Variants in VWC2 observed in about 807,000 individuals in gnomAD.
VWC2 encodes von Willebrand factor C domain containing 2, also known as brorin.
In VWC2, 14 loss-of-function variants were observed where a neutral mutation model predicts 29.8. That is an observed-to-expected ratio of 0.47 (90% CI 0.31 to 0.74). The LOEUF (loss-of-function observed/expected upper bound fraction) is 0.74, where lower values mean the gene tolerates loss of function less well. VWC2 is among the 30% of genes least tolerant of loss of function. The probability of loss-of-function intolerance (pLI) is 0.05; values close to 1 mark genes in which losing one functional copy is unlikely to be tolerated. For synonymous variants in VWC2, 213 were observed against 199.0 expected (o/e 1.07, Z -0.59); for missense variants, 457 against 459.8 (o/e 0.99, Z 0.05).
chr7:49,887,959 T>A (rs1791970710), intron 3 of VWC2, among the ~76,000 whole-genome samples: 1 of 152,200 alleles, frequency 6.6e-6, no homozygotes, highest in Admixed American at 6.5e-5. Flanking sequence ...CATTTGTGTA[T>A]CTGTAGCCTG....
At chr7:49,895,798 T>C (rs1324036477) in intron 3 of VWC2, among the ~76,000 whole-genome samples, 2 of 152,158 alleles carry the variant, frequency 1.3e-5, no homozygotes, top group Non-Finnish European at 2.9e-5. Flanking sequence ...GAAAATTAAG[T>C]ATAATCAATG....
At chr7:49,781,265 G>A (rs1029618236) in intron 2 of VWC2, among the ~76,000 whole-genome samples, 1 of 151,822 alleles carries the variant, frequency 6.6e-6, no homozygotes, top group African/African-American at 2.4e-5. Context: ...TTTTAAAGAG[G>A]GAGTCATATG....
Position 49,788,753 on chromosome 7 carries a change from G to A in VWC2, c.696+12622G>A, listed in dbSNP as rs570780547. ...GTGTGTGGATGTGTGTGTGGATGTG[G>A]GTGTGGGGGTGTGAGAGAGGGTGTG... On this transcript the variant is annotated intron_variant, in intron 2 of 3. Coordinates refer to ENST00000340652, the MANE Select transcript of VWC2 (RefSeq NM_198570.5). Among the ~76,000 whole-genome samples the A allele has an allele frequency of 5.6e-5, 8 of 143,010 alleles. No homozygotes were observed. In the South Asian group the frequency reaches 1.8e-3, roughly 32 times the overall value. 93.8% of individuals were successfully genotyped at this position (143,010 alleles called of 152,430 possible). A position where few individuals can be genotyped will look rare whatever the true frequency, so the allele number is the denominator to read the frequency against.
intron 3 of VWC2, among the ~76,000 whole-genome samples, chr7:49,889,826 T>A (rs1792055572): frequency 6.6e-6 from 1 of 152,158 alleles, no homozygotes; most frequent in African/African-American, 2.4e-5. Context: ...CGATAACAAA[T>A]AGGTGCCCCA....
chr7:49,864,271 G>A (rs1326789372), intron 3 of VWC2, among the ~76,000 whole-genome samples: 1 of 152,148 alleles, frequency 6.6e-6, no homozygotes, highest in Admixed American at 6.6e-5. Flanking sequence ...CAAAGAAGGA[G>A]GGAGGAGAAG....
Position 49,775,529 on chromosome 7 carries a change from C to G in VWC2, c.94C>G (p.Pro32Ala). ...LMVALCSPSIPLEKLAQAPEQ... is the reference protein window; with the variant it reads ...LMVALCSPSIALEKLAQAPEQ... Reference sequence around the variant, plus strand: ...GGTGGCTCTGTGCAGTCCGAGCATCCCGCTGGAGAAGCTGGCCCAGGCACC... The same window carrying G: ...GGTGGCTCTGTGCAGTCCGAGCATCGCGCTGGAGAAGCTGGCCCAGGCACC... The change falls in exon 2 of 4, where the codon CCG becomes GCG. Residue 32 changes from proline (P) to alanine (A), a missense_variant. By Grantham distance (27) the Pro-to-Ala change is conservative. This residue lies in a region of VWC2 where 272 missense variants were observed against 202.7 expected (regional missense o/e 1.34). Coordinates refer to ENST00000340652, the MANE Select transcript of VWC2 (RefSeq NM_198570.5). The G allele has an allele frequency of 6.3e-7, 1 of 1,575,320 alleles. No individual in the cohort carries two copies. Among genetic ancestry groups the G allele is most frequent in the Non-Finnish European group, 8.6e-7 (1 of 1,164,866 alleles).
chr7:49,879,759 C>A (rs562952008), intron 3 of VWC2, among the ~76,000 whole-genome samples: 35 of 152,004 alleles, frequency 2.3e-4, no homozygotes, highest in African/African-American at 8.2e-4. Flanking sequence ...TTTAAATAGG[C>A]CCTTTGCTAT....
At chr7:49,834,051 C>T (rs1789600544) in intron 3 of VWC2, among the ~76,000 whole-genome samples, 1 of 152,166 alleles carries the variant, frequency 6.6e-6, no homozygotes, top group Non-Finnish European at 1.5e-5. Context: ...GATTTCATAC[C>T]ATGGGAAGCG....
rs1329995263 is a variant in VWC2 at position 49,920,600 on chromosome 7, G to A, written c.*8415G>A. 1 of 152,116 alleles carries A rather than the reference G, an allele frequency of 6.6e-6. No individual in the cohort carries two copies. The highest frequency in any genetic ancestry group is 1.5e-5 in the Non-Finnish European group (1 of 68,026). 9.4% of individuals were successfully genotyped at this position (152,116 alleles called of 1,614,324 possible). The stretch of plus-strand genomic sequence containing the variant: ...ACAGAGAGAGACTCTGCTTGGCCGA[G>A]TTTGCTATTCTCATTTGTCTATGTC... On this transcript the variant is annotated 3_prime_UTR_variant, in exon 4 of 4. Coordinates refer to ENST00000340652, the MANE Select transcript of VWC2 (RefSeq NM_198570.5).
At chr7:49,871,269 C>T (rs1791137414) in intron 3 of VWC2, among the ~76,000 whole-genome samples, 1 of 152,114 alleles carries the variant, frequency 6.6e-6, no homozygotes, top group African/African-American at 2.4e-5. Context: ...TTGCCTAAAA[C>T]TGAAATTTCA....
chr7:49,784,330 A>G (rs989877078), intron 2 of VWC2, among the ~76,000 whole-genome samples: 1 of 152,188 alleles, frequency 6.6e-6, no homozygotes, highest in African/African-American at 2.4e-5. Flanking sequence ...TTCACATTCT[A>G]TATTCATTTT....
At chr7:49,781,810 G>T (rs1321686718) in intron 2 of VWC2, among the ~76,000 whole-genome samples, 1 of 152,164 alleles carries the variant, frequency 6.6e-6, no homozygotes, top group Non-Finnish European at 1.5e-5. Flanking sequence ...ATTTGACTTG[G>T]CCATCTGATG....
At chr7:49,808,062 G>A (rs914157606) in intron 3 of VWC2, among the ~76,000 whole-genome samples, 2 of 151,748 alleles carry the variant, frequency 1.3e-5, no homozygotes, top group African/African-American at 2.4e-5. Context: ...GTAACATTGC[G>A]TTTCCATGAC....
intron 3 of VWC2, among the ~76,000 whole-genome samples, chr7:49,869,588 C>A (rs1351840315): frequency 6.6e-6 from 1 of 152,052 alleles, no homozygotes; most frequent in East Asian, 1.9e-4. Context: ...CTTATTTTAA[C>A]CTTTTGGCTA....
chr7:49,869,511 A>G (rs940606607), intron 3 of VWC2, among the ~76,000 whole-genome samples: 6 of 152,352 alleles, frequency 3.9e-5, no homozygotes, highest in Middle Eastern at 3.4e-3. Context: ...TGGTTGCTGT[A>G]TCATGATATT....
chr7:49,786,005 C>G (rs1473811711), intron 2 of VWC2, among the ~76,000 whole-genome samples: 2 of 152,090 alleles, frequency 1.3e-5, no homozygotes, highest in Admixed American at 6.5e-5. Flanking sequence ...TTGCCTTCCC[C>G]CAGAAGACTT....
intron 3 of VWC2, among the ~76,000 whole-genome samples, chr7:49,826,035 TAGAA>T (rs1789383088): frequency 6.6e-6 from 1 of 152,078 alleles, no homozygotes; most frequent in African/African-American, 2.4e-5. Flanking sequence ...GTGACTCCAG[TAGAA>T]AGAAAGGGTT....
In VWC2 at chr7:49,918,550, C is replaced by G. The variant is rs529601793; in HGVS notation, c.*6365C>G. 2.0e-5 allele frequency: 3 copies of G among 152,220 alleles called. No homozygotes were observed. The highest frequency in any genetic ancestry group is 3.9e-4 in the East Asian group (2 of 5,176). The allele number at this position is 152,220 out of a possible 1,614,324, so 9.4% of individuals were successfully genotyped here. ...TCTCTTTTTAAAAATAGTATTGAAG[C>G]ATCAGGTTGTTCAGGTATGATTCTC... is the stretch of plus-strand genomic sequence containing the variant. On this transcript the variant is annotated 3_prime_UTR_variant, in exon 4 of 4. Coordinates refer to ENST00000340652, the MANE Select transcript of VWC2 (RefSeq NM_198570.5).
intron 3 of VWC2, among the ~76,000 whole-genome samples, chr7:49,848,193 C>T (rs937283390): frequency 2.0e-5 from 3 of 152,160 alleles, no homozygotes; most frequent in African/African-American, 4.8e-5. Context: ...CTTTGAGTGA[C>T]GTATGAGTTT....
Sources: allele counts gnomAD v4.1 joint callset (sites outside exome capture counted in the v4.1 genomes callset), GRCh38; gene constraint gnomAD v4.1.1; regional missense constraint gnomAD v4.1.1; transcripts MANE v1.5; gene names NCBI Gene and HGNC (gene_info 2026-07-23, HGNC 2026-07-21).